CELF1: variants seen among roughly 807,000 people sequenced by gnomAD.
CELF1 encodes the protein 50 kDa nuclear polyadenylated RNA-binding protein.
A neutral mutation model predicts 61.8 loss-of-function variants in CELF1; 10 were observed. The observed-to-expected ratio is 0.16, with a 90% confidence interval of 0.10 to 0.27. The LOEUF (loss-of-function observed/expected upper bound fraction) is 0.27. Ranked by LOEUF, CELF1 falls within the 10% of genes least tolerant of loss-of-function variation. The pLI is 1.00. For missense variants in CELF1, 380 were observed against 639.1 expected (o/e 0.59, Z 4.37); for synonymous variants, 236 against 225.1 (o/e 1.05, Z -0.43).
At chr11:47,480,758 G>A (rs2082549660) in intron 9 of CELF1, among the ~76,000 whole-genome samples, 2 of 152,170 alleles carry the variant, frequency 1.3e-5, no homozygotes, top group Admixed American at 6.5e-5. Context: ...AATATAACCG[G>A]ACCCAGTGGT....
intron 1 of CELF1, among the ~76,000 whole-genome samples, chr11:47,535,204 T>A (rs1163364378): frequency 6.6e-6 from 1 of 152,002 alleles, no homozygotes; most frequent in Non-Finnish European, 1.5e-5. Context: ...TTCAAGAGTA[T>A]CCCTCACACT....
intron 1 of CELF1, among the ~76,000 whole-genome samples, chr11:47,527,681 T>G (rs1598018540): frequency 6.6e-6 from 1 of 152,220 alleles, no homozygotes; most frequent in Non-Finnish European, 1.5e-5. Flanking sequence ...TACAGCAACT[T>G]TGACTTCCCA....
intron 1 of CELF1, among the ~76,000 whole-genome samples, chr11:47,501,812 C>T (rs1565837168): frequency 6.6e-6 from 1 of 152,032 alleles, no homozygotes; most frequent in African/African-American, 2.4e-5. Context: ...GACAGTAAGA[C>T]TCCGTCTCCC....
At chr11:47,475,753 C>T (rs769396605) in intron 12 of CELF1, among the ~76,000 whole-genome samples, 6 of 152,148 alleles carry the variant, frequency 3.9e-5, no homozygotes, top group Non-Finnish European at 7.4e-5. Context: ...CTCCCCATTA[C>T]CTTCATCCAA....
chr11:47,482,657 C>G, intron 9 of CELF1, 38 bp downstream of exon 9: 1 of 1,593,576 alleles, frequency 6.3e-7, no homozygotes, highest in Non-Finnish European at 8.6e-7. Context: ...CAGCTGGGAG[C>G]TTGCACAGTC....
At chr11:47,563,003 G>A (rs2097231385) in intron 2 of CELF1, among the ~76,000 whole-genome samples, 1 of 151,984 alleles carries the variant, frequency 6.6e-6, no homozygotes, top group Non-Finnish European at 1.5e-5. Context: ...GTGAGCCACT[G>A]TGCCCAGTCC....
At chr11:47,539,156 G>C (rs562272890) in intron 1 of CELF1, among the ~76,000 whole-genome samples, 2 of 152,164 alleles carry the variant, frequency 1.3e-5, no homozygotes, top group African/African-American at 4.8e-5. Flanking sequence ...TTTCCTATCT[G>C]AAATAGCAGT....
At chr11:47,488,058 A>G (rs2088722584) in intron 4 of CELF1, among the ~76,000 whole-genome samples, 1 of 152,244 alleles carries the variant, frequency 6.6e-6, no homozygotes, top group Non-Finnish European at 1.5e-5. Flanking sequence ...TGCCAAAAAG[A>G]GAAAGTAATT....
chr11:47,478,836 G>C, intron 10 of CELF1, 41 bp downstream of exon 10: 1 of 1,509,512 alleles, frequency 6.6e-7, no homozygotes, highest in Non-Finnish European at 9.2e-7. Context: ...GGGTCTGCTG[G>C]CCTGGGTGCT....
Position 47,532,211 on chromosome 11 carries a change from A to G in CELF1, c.-154+20781T>C, listed in dbSNP as rs147584270. 8.0e-3 allele frequency among the ~76,000 whole-genome samples: 1,211 copies of G among 152,212 alleles called. 14 individuals carry two copies. Among genetic ancestry groups the G allele is most frequent in the African/African-American group, 0.027 (1,134 of 41,536 alleles). On this transcript the variant is annotated intron_variant, in intron 1 of 14. Coordinates refer to ENST00000687097, the MANE Select transcript of CELF1 (RefSeq NM_001376376.1). ...AGGCCTAAATAATTTTTGTATTGTT[A>G]GTAGAGACGGGTTTCACCATGTTGG...
intron 2 of CELF1, 116 bp downstream of exon 2, chr11:47,500,745 C>T: frequency 2.5e-6 from 1 of 394,358 alleles, no homozygotes; most frequent in East Asian, 3.6e-5. Flanking sequence ...TCCACATCCC[C>T]CCAAACAACA....
intron 1 of CELF1, chr11:47,515,024 C>T (rs569298544): frequency 5.9e-5 from 9 of 152,210 alleles, no homozygotes; most frequent in African/African-American, 2.2e-4. Context: ...TTCTATAGTT[C>T]CTGTTTCTTT....
rs368193470 is a variant in CELF1 at position 47,472,221 on chromosome 11, G to A, written c.*9C>T. On this transcript the variant is annotated 3_prime_UTR_variant, in exon 15 of 15. Transcript: ENST00000687097. ...GACCCTCTCACTCCAGTCTCAGAGG[G>A]GAGCACGCTCAGTAGGGCTTGCTGT... is the stretch of plus-strand genomic sequence containing the variant. 1.2e-3 allele frequency: 1,894 copies of A among 1,613,534 alleles called. 45 individuals are homozygous for A. In the South Asian group the frequency reaches 0.019, roughly 17 times the overall value.
chr11:47,542,267 T>A (rs956157847), intron 1 of CELF1, among the ~76,000 whole-genome samples: 1 of 151,932 alleles, frequency 6.6e-6, no homozygotes, highest in Non-Finnish European at 1.5e-5. Context: ...CTACTCGAGG[T>A]TGAGGCAGAA....
At chr11:47,482,954 A>T in intron 8 of CELF1, 98 bp from the exon 9 acceptor site, 1 of 1,030,650 alleles carries the variant, frequency 9.7e-7, no homozygotes, top group Non-Finnish European at 1.4e-6. Context: ...TTCTAATTTC[A>T]TTCACTGCCA....
intron 3 of CELF1, among the ~76,000 whole-genome samples, chr11:47,492,980 C>T (rs574748130): frequency 6.6e-6 from 1 of 152,250 alleles, no homozygotes; most frequent in South Asian, 2.1e-4. Context: ...TCCCAGATTG[C>T]CCCTTCCCTC....
intron 4 of CELF1, 90 bp from the exon 5 acceptor site, chr11:47,487,331 A>C (rs1429052771): frequency 2.1e-6 from 2 of 947,118 alleles, no homozygotes; most frequent in South Asian, 2.8e-5. Flanking sequence ...CAGATCTTAA[A>C]AGAGGGCTGG....
exon 2 of CELF1, chr11:47,564,422 G>C (rs1008719316): frequency 6.6e-6 from 1 of 151,738 alleles, no homozygotes; most frequent in Non-Finnish European, 1.5e-5. Flanking sequence ...GTTGCAGTGT[G>C]CTGAGATCAC....
At chr11:47,531,031 G>T (rs1445961567) in intron 1 of CELF1, among the ~76,000 whole-genome samples, 3 of 152,066 alleles carry the variant, frequency 2.0e-5, no homozygotes, top group African/African-American at 7.2e-5. Context: ...TGGATTCCCT[G>T]AGGTCAGGAG....
Sources: gnomAD v4.1 joint callset for allele counts (sites outside exome capture counted in the v4.1 genomes callset) on GRCh38, gnomAD v4.1.1 for gene constraint, MANE v1.5 for transcripts, NCBI Gene and HGNC (gene_info 2026-07-23, HGNC 2026-07-21) for gene names.